The following FMR1 variants were observed in gnomAD, a reference collection of about 807,000 sequenced individuals.
FMR1 encodes FMRP translational regulator 1.
In FMR1, 13 loss-of-function variants were observed where a neutral mutation model predicts 50.6. The ratio of observed to expected loss-of-function variants is 0.26; its 90% CI spans 0.17 to 0.41. The LOEUF (loss-of-function observed/expected upper bound fraction) is 0.41. Among genes scored for constraint, FMR1 ranks in the 10% least tolerant of loss-of-function variants. The pLI is 1.00. For synonymous variants in FMR1, 138 were observed against 164.1 expected, an observed-to-expected ratio of 0.84 and a Z score of 1.22; for missense variants, 316 against 491.3, an observed-to-expected ratio of 0.64 and a Z score of 3.37.
chrX:147,937,391 A>G (rs1304532689), intron 10 of FMR1, 75 bp from the exon 11 acceptor site: 7 of 638,859 alleles, frequency 1.1e-5, no homozygotes, highest in Non-Finnish European at 1.8e-5. Flanking sequence ...ATGATGATTG[A>G]TAACACTAAT....
chrX:147,925,129 G>A (rs2043342642), intron 2 of FMR1: 1 of 141,889 alleles, frequency 7.0e-6, no homozygotes, highest in Non-Finnish European at 1.4e-5. Flanking sequence ...TGTGGTCCTT[G>A]GAATGTGGTT....
chrX:147,921,882 C>A, intron 1 of FMR1, 51 bp from the exon 2 acceptor site: 1 of 868,526 alleles, frequency 1.2e-6, no homozygotes, highest in Non-Finnish European at 1.7e-6. Context: ...TAACTAAAAA[C>A]AAAAACTATC....
intron 1 of FMR1, among the ~76,000 whole-genome samples, chrX:147,916,358 G>A (rs2042857944): frequency 8.9e-6 from 1 of 111,900 alleles, no homozygotes; most frequent in African/African-American, 3.3e-5. Context: ...ATGTGGTATG[G>A]TTGGAAGGAC....
chrX:147,924,516 T>TA (rs782673182), intron 2 of FMR1, among the ~76,000 whole-genome samples: 1,514 of 26,627 alleles, frequency 0.057, 13 homozygotes, highest in Non-Finnish European at 0.087. Flanking sequence ...TATATATATA[T>TA]TTTTTTTTTT....
intron 14 of FMR1, chrX:147,944,299 G>A: frequency 1.3e-6 from 1 of 751,175 alleles, no homozygotes; most frequent in East Asian, 1.5e-4. Flanking sequence ...ATGGGAGTGG[G>A]AGGGCAGGTT....
At chrX:147,918,220 A>G (rs1277271043) in intron 1 of FMR1, among the ~76,000 whole-genome samples, 5 of 111,504 alleles carry the variant, frequency 4.5e-5, no homozygotes, top group South Asian at 7.6e-4. Flanking sequence ...TGGAAAAACT[A>G]TGATGAGAAA....
At chrX:147,924,471 GT>G (rs2043310200) in intron 2 of FMR1, among the ~76,000 whole-genome samples, 1 of 58,883 alleles carries the variant, frequency 1.7e-5, no homozygotes, top group Non-Finnish European at 2.6e-5. Context: ...TTTTATTTGT[GT>G]GTGTGTGTGT....
rs782183190 is a variant in FMR1, at chrX:147,938,156, T to C, written c.1183T>C (p.Trp395Arg). The change falls in exon 12 of 17, where the codon TGG becomes CGG. Residue 395 changes from tryptophan (W) to arginine (R), a missense_variant. By Grantham distance (101) the Trp-to-Arg change is moderately radical. This residue lies in a region of FMR1 where 53 missense variants were observed against 51.5 expected (regional missense o/e 1.03). Coordinates refer to ENST00000370475, the MANE Select transcript of FMR1 (RefSeq NM_002024.6). ...ATCCCAGAAACCTGAACTCAAGGCT[T>C]GGCAGGTAGGAAAACATTCCTTGAG... is the stretch of plus-strand genomic sequence containing the variant. Reference protein sequence around the residue: ...GESQKPELKAWQGMVPFVFVG... With the variant: ...GESQKPELKARQGMVPFVFVG... 1.7e-6 allele frequency: 2 copies of C among 1,193,706 alleles called. No individual in the cohort carries two copies. The highest frequency in any genetic ancestry group is 3.5e-5 in the South Asian group (2 of 56,601).
intron 3 of FMR1, among the ~76,000 whole-genome samples, chrX:147,926,580 C>T (rs782679835): frequency 4.5e-4 from 50 of 110,517 alleles, no homozygotes; most frequent in Non-Finnish European, 5.9e-4. Context: ...CTCCGCCTCC[C>T]GGGTTCTAGC....
In FMR1 at chrX:147,922,000, A is replaced by G; in HGVS notation, c.104+15A>G. 1.0e-6 allele frequency: 1 copy of G among 980,811 alleles called. No homozygotes were observed. 80.8% of individuals were successfully genotyped at this position (980,811 alleles called of 1,213,427 possible). A position where few individuals can be genotyped will look rare whatever the true frequency, so the allele number is the denominator to read the frequency against. ...TTTGAAAACAAGTAAGTGTCTCGTT[A>G]TATAATTTTAATGATGAGGTTCTTT... On this transcript the variant is annotated intron_variant, in intron 2 of 16. Coordinates refer to ENST00000370475, the MANE Select transcript of FMR1 (RefSeq NM_002024.6).
chrX:147,944,830 A>T (rs1167026205), intron 14 of FMR1, 39 bp from the exon 15 acceptor site: 91 of 1,102,967 alleles, frequency 8.3e-5, no homozygotes, highest in Admixed American at 6.4e-4. Flanking sequence ...TTTTTTTTTT[A>T]AAGTCAGACA....
chrX:147,923,912 C>T (rs1036795753), intron 2 of FMR1, among the ~76,000 whole-genome samples: 4 of 111,879 alleles, frequency 3.6e-5, no homozygotes, highest in Middle Eastern at 4.6e-3. Context: ...TTTTGTAAAA[C>T]ACCAGATTGT....
Position 147,925,953 on chromosome X carries a change from C to T in FMR1, c.198+320C>T, listed in dbSNP as rs192361542. Among the ~76,000 whole-genome samples the T allele has an allele frequency of 3.5e-4, 39 of 111,552 alleles. No homozygotes were observed. The Admixed American group carries it at 3.5e-3, about 10-fold the overall frequency. On this transcript the variant is annotated intron_variant, in intron 3 of 16. Transcript: ENST00000370475. ...ATGTTGTTTGTTTACAACTGTGTCC[C>T]CATTGTAAGCAAAATGGATTATGAA...
intron 15 of FMR1, among the ~76,000 whole-genome samples, chrX:147,945,255 A>C (rs2044135180): frequency 8.9e-6 from 1 of 112,182 alleles, no homozygotes; most frequent in Non-Finnish European, 1.9e-5. Context: ...CAGATATATG[A>C]ATAAATGCTG....
At chrX:147,918,554 G>GTTTTTTTTTTT (rs2042989205) in intron 1 of FMR1, among the ~76,000 whole-genome samples, 1 of 18,749 alleles carries the variant, frequency 5.3e-5, no homozygotes, top group Non-Finnish European at 8.4e-5. Context: ...GCCTGCAAAA[G>GTTTTTTTTTTT]CTTTTTTTTT....
chrX:147,945,150 C>A, intron 15 of FMR1, 99 bp downstream of exon 15: 1 of 1,117,757 alleles, frequency 8.9e-7, no homozygotes, highest in African/African-American at 1.8e-5. Context: ...ACCAAGATCC[C>A]ATCTCTCCCG....
chrX:147,917,489 G>A (rs138302803), intron 1 of FMR1, among the ~76,000 whole-genome samples: 2,928 of 111,055 alleles, frequency 0.026, 105 homozygotes, highest in African/African-American at 0.091. Context: ...GTACTTTATC[G>A]CCTTTCTCAA....
intron 1 of FMR1, among the ~76,000 whole-genome samples, chrX:147,921,461 G>A (rs1454226110): frequency 1.9e-5 from 2 of 107,505 alleles, no homozygotes; most frequent in Non-Finnish European, 3.8e-5. Context: ...TTGTGTGTGC[G>A]TATATATATA....
At chrX:147,921,720 G>A (rs1352453772) in intron 1 of FMR1, among the ~76,000 whole-genome samples, 1 of 111,287 alleles carries the variant, frequency 9.0e-6, no homozygotes, top group Non-Finnish European at 1.9e-5. Flanking sequence ...CTCATGTTTA[G>A]TGTTTTAGCT....
Sources: gnomAD v4.1 joint callset for allele counts (sites outside exome capture counted in the v4.1 genomes callset) on GRCh38, gnomAD v4.1.1 for gene constraint, gnomAD v4.1.1 regional missense constraint, MANE v1.5 for transcripts, NCBI Gene and HGNC (gene_info 2026-07-23, HGNC 2026-07-21) for gene names.